The following ME3 variants were observed in gnomAD, a reference collection of about 807,000 sequenced individuals.
ME3 encodes the protein malic enzyme 3, also known as NADP-dependent malic enzyme, mitochondrial.
Under a neutral mutation model 68.9 loss-of-function variants are expected in ME3, and 48 were observed. The ratio of observed to expected loss-of-function variants is 0.70; its 90% CI spans 0.55 to 0.89. The LOEUF is 0.89. Ranked by LOEUF, ME3 falls within the 40% of genes least tolerant of loss-of-function variation. The pLI is 0.00. For synonymous variants in ME3, 320 were observed against 318.8 expected (o/e 1.00, Z -0.04); for missense variants, 675 against 797.4 (o/e 0.85, Z 1.85).
At chr11:86,637,967 T>TACACAC (rs5793205) in intron 2 of ME3, among the ~76,000 whole-genome samples, 12,097 of 145,054 alleles carry the variant, frequency 0.083, 515 homozygotes, top group Non-Finnish European at 0.1. Context: ...TGCTCATGCA[T>TACACAC]ACACACACAC....
chr11:86,534,082 TA>T (rs1331261212), intron 4 of ME3, among the ~76,000 whole-genome samples: 54 of 898 alleles, frequency 0.06, no homozygotes, highest in African/African-American at 0.16. Context: ...TGTGTGTGTG[TA>T]TATATATATA....
rs556749346 is a variant in ME3, at chr11:86,476,529, A to G, written c.809+10808T>C. Among the ~76,000 whole-genome samples the G allele has an allele frequency of 3.8e-4, 58 of 152,310 alleles. No individual in the cohort carries two copies. The South Asian group carries it at 0.012, about 31-fold the overall frequency. ...TGTACAGAGAACTGTGTCTCATGAA[A>G]AGATGTTTGGTTACTTGAGGGGGTG... On this transcript the variant is annotated intron_variant, in intron 7 of 14. Transcript: ENST00000543262.
At chr11:86,649,556 T>C (rs1337985898) in intron 2 of ME3, among the ~76,000 whole-genome samples, 1 of 152,200 alleles carries the variant, frequency 6.6e-6, no homozygotes, top group African/African-American at 2.4e-5. Context: ...ATTGTATATT[T>C]AGAAAACACC....
chr11:86,575,411 A>G (rs1958044703), intron 2 of ME3, among the ~76,000 whole-genome samples: 1 of 147,446 alleles, frequency 6.8e-6, no homozygotes, highest in Non-Finnish European at 1.5e-5. Flanking sequence ...TGGGAATAAT[A>G]TGTACCTCAT....
intron 2 of ME3, among the ~76,000 whole-genome samples, chr11:86,644,372 G>A (rs1272465853): frequency 2.0e-5 from 3 of 152,130 alleles, no homozygotes; most frequent in African/African-American, 7.2e-5. Flanking sequence ...GCACTTCCTT[G>A]CTTAGAACCA....
intron 4 of ME3, among the ~76,000 whole-genome samples, chr11:86,521,516 A>C (rs1954310450): frequency 6.6e-6 from 1 of 152,058 alleles, no homozygotes; most frequent in Non-Finnish European, 1.5e-5. Context: ...TAAATAAAAT[A>C]ATACATGTAC....
intron 8 of ME3, among the ~76,000 whole-genome samples, chr11:86,458,558 A>G (rs1594039353): frequency 6.6e-6 from 1 of 152,314 alleles, no homozygotes; most frequent in East Asian, 1.9e-4. Flanking sequence ...CATGAGATCC[A>G]CATGAACTTC....
At chr11:86,465,059 C>G (rs769411375) in intron 8 of ME3, 32 bp downstream of exon 8, 17 of 1,535,688 alleles carry the variant, frequency 1.1e-5, no homozygotes, top group Non-Finnish European at 1.4e-5. Context: ...AGTTAGTCCC[C>G]TGTAGCTTCA....
chr11:86,469,037 T>C (rs956297511), intron 7 of ME3, among the ~76,000 whole-genome samples: 10 of 152,034 alleles, frequency 6.6e-5, no homozygotes, highest in Non-Finnish European at 1.3e-4. Flanking sequence ...AGCTTCAGTT[T>C]AATTTTGATA....
chr11:86,466,664 A>G lies in ME3; in HGVS notation c.810-1464T>C, dbSNP rs59865232. On this transcript the variant is annotated intron_variant, in intron 7 of 14. Coordinates refer to ENST00000543262, the Ensembl canonical transcript of ME3. The stretch of plus-strand genomic sequence containing the variant: ...AGCCTTATAATTTTGTGCATGGCTT[A>G]TGCTGTCCAGCCCAAATACCAGTGG... 2.2e-4 allele frequency among the ~76,000 whole-genome samples: 33 copies of G among 152,334 alleles called. 1 individual carries two copies. The East Asian group carries it at 6.4e-3, about 29-fold the overall frequency.
At chr11:86,448,353 C>T in intron 10 of ME3, 98 bp from the exon 11 acceptor site, 1 of 888,576 alleles carries the variant, frequency 1.1e-6, no homozygotes, top group South Asian at 1.5e-5. Context: ...CCTGCTGAGC[C>T]CCATGCTTTG....
At chr11:86,656,435 C>T (rs1211485271) in intron 2 of ME3, among the ~76,000 whole-genome samples, 2 of 151,978 alleles carry the variant, frequency 1.3e-5, no homozygotes, top group African/African-American at 4.8e-5. Context: ...ATGATGAGTT[C>T]ATGTCCTTTA....
At position 86,461,242 on chromosome 11, in the gene ME3, C is replaced by T. The variant is rs191312307; in HGVS notation, c.919+3849G>A. Among the ~76,000 whole-genome samples the T allele has an allele frequency of 6.7e-4, 102 of 152,168 alleles. 1 individual carries two copies. The highest frequency in any genetic ancestry group is 6.7e-3 in the Admixed American group (102 of 15,286). On this transcript the variant is annotated intron_variant, in intron 8 of 14. Coordinates refer to ENST00000543262, the Ensembl canonical transcript of ME3. ...TGTGTCTTTTGTCTGGCTGTGTGGC[C>T]GTGAGCAAGCTTTAACCCCCTGGGC...
intron 2 of ME3, among the ~76,000 whole-genome samples, chr11:86,567,243 AAAGGAAGGAAGG>A (rs149764846): frequency 0.062 from 8,922 of 144,574 alleles, 403 homozygotes; most frequent in African/African-American, 0.13. Context: ...GAAAAGAAAG[AAAGGAAGGAAGG>A]AAGGAAGGAA....
intron 7 of ME3, among the ~76,000 whole-genome samples, chr11:86,472,233 G>A (rs1348922478): frequency 6.6e-6 from 1 of 152,230 alleles, no homozygotes; most frequent in Non-Finnish European, 1.5e-5. Flanking sequence ...TGAAGATGGG[G>A]AGGACATGGG....
At chr11:86,477,224 A>T (rs1266315390) in intron 7 of ME3, among the ~76,000 whole-genome samples, 1 of 152,202 alleles carries the variant, frequency 6.6e-6, no homozygotes, top group Admixed American at 6.5e-5. Flanking sequence ...AAGAGATTGG[A>T]ACTCAGGCAG....
At chr11:86,532,842 C>T (rs2139285467) in intron 4 of ME3, among the ~76,000 whole-genome samples, 1 of 152,296 alleles carries the variant, frequency 6.6e-6, no homozygotes, top group South Asian at 2.1e-4. Context: ...GGCGGATCAA[C>T]TGAGGTCAGG....
intron 4 of ME3, among the ~76,000 whole-genome samples, chr11:86,542,027 C>T (rs954467712): frequency 3.9e-5 from 6 of 152,170 alleles, no homozygotes; most frequent in African/African-American, 1.4e-4. Flanking sequence ...TGGAGTGGAC[C>T]TCCAGCAAAC....
Position 86,441,764 on chromosome 11 carries a change from A to T in ME3, c.1654-324T>A, listed in dbSNP as rs563621961. ...CCTCATCTGTAAAATGGGAGTAAAG[A>T]GACCTTTCTCTGGAGCAGTGTTAAG... On this transcript the variant is annotated intron_variant, in intron 14 of 14. Coordinates refer to ENST00000543262, the Ensembl canonical transcript of ME3. 1.1e-4 allele frequency among the ~76,000 whole-genome samples: 17 copies of T among 152,314 alleles called. 1 individual carries two copies. In the South Asian group the frequency reaches 3.3e-3, roughly 30 times the overall value.
Sources: allele counts gnomAD v4.1 joint callset (sites outside exome capture counted in the v4.1 genomes callset), GRCh38; gene constraint gnomAD v4.1.1; transcripts MANE v1.5; gene names NCBI Gene and HGNC (gene_info 2026-07-23, HGNC 2026-07-21).